Variants in PRR16 observed in about 807,000 individuals in gnomAD.
PRR16 encodes the protein proline rich 16.
PRR16 carries 6 observed loss-of-function variants against 18.2 expected under a neutral mutation model. That is an observed-to-expected ratio of 0.33 (90% CI 0.18 to 0.65). PRR16 has a LOEUF of 0.65. PRR16 is among the 30% of genes least tolerant of loss of function. The pLI is 0.74. For missense variants in PRR16, 412 were observed against 376.6 expected (o/e 1.09, Z -0.78); for synonymous variants, 151 against 147.8 (o/e 1.02, Z -0.16).
chr5:120,538,069 C>T lies in PRR16; in HGVS notation c.159+73424C>T, dbSNP rs1244164049. Among the ~76,000 whole-genome samples, 7 of 152,270 alleles carry T rather than the reference C, an allele frequency of 4.6e-5. No individual in the cohort carries two copies. The South Asian group carries it at 1.5e-3, about 32-fold the overall frequency. On this transcript the variant is annotated intron_variant, in intron 1 of 1. Coordinates refer to ENST00000407149, the MANE Select transcript of PRR16 (RefSeq NM_001300783.2). ...GGGATTACAGGCGTGAGCCACCGCG[C>T]CCGGCCGTTGTTTATAATATAAGCA...
At chr5:120,704,883 A>G in the PRR16 span, among the ~76,000 whole-genome samples, 1 of 152,214 alleles carries the variant, frequency 6.6e-6, no homozygotes, top group Admixed American at 6.5e-5. Flanking sequence ...GTAAGAGACA[A>G]GAATGTACTT....
chr5:120,500,233 T>C (rs959134563), intron 1 of PRR16, among the ~76,000 whole-genome samples: 1 of 152,208 alleles, frequency 6.6e-6, no homozygotes, highest in African/African-American at 2.4e-5. Context: ...CCTTATGATA[T>C]TTCCAGGTTA....
rs751540500 is a variant in PRR16 at position 120,664,807 on chromosome 5, T to TA, written c.160-21146dup. 2.7e-4 allele frequency among the ~76,000 whole-genome samples: 38 copies of TA among 141,990 alleles called. 2 individuals are homozygous for TA. Among genetic ancestry groups the TA allele is most frequent in the Non-Finnish European group, 5.0e-4 (32 of 63,492 alleles). 93.2% of individuals were successfully genotyped at this position (141,990 alleles called of 152,430 possible). On this transcript the variant is annotated intron_variant, in intron 1 of 1. Coordinates refer to ENST00000407149, the MANE Select transcript of PRR16 (RefSeq NM_001300783.2). ...GAACTCATCATTTTTTATGGCTGCATAGTATTCCGTGGTGTATATGTGCCA... is the reference window on the plus strand; with the variant it reads ...GAACTCATCATTTTTTATGGCTGCATAAGTATTCCGTGGTGTATATGTGCCA...
At chr5:120,524,163 C>T (rs1188988921) in intron 1 of PRR16, among the ~76,000 whole-genome samples, 2 of 152,154 alleles carry the variant, frequency 1.3e-5, no homozygotes, top group African/African-American at 2.4e-5. Flanking sequence ...AGGATTTCAA[C>T]ACTGCTAAGC....
chr5:120,482,096 T>A (rs895944476), intron 1 of PRR16, among the ~76,000 whole-genome samples: 2 of 152,196 alleles, frequency 1.3e-5, no homozygotes, highest in Admixed American at 1.3e-4. Flanking sequence ...AATGAGCTTA[T>A]TGCCCACTGG....
chr5:120,696,611 C>T, the PRR16 span, among the ~76,000 whole-genome samples: 1 of 152,142 alleles, frequency 6.6e-6, no homozygotes, highest in African/African-American at 2.4e-5. Context: ...AAATATATTC[C>T]TATTTCTTCC....
intron 1 of PRR16, among the ~76,000 whole-genome samples, chr5:120,668,919 C>T (rs941718006): frequency 5.9e-5 from 9 of 151,864 alleles, no homozygotes; most frequent in South Asian, 4.2e-4. Flanking sequence ...ATGGGAATAA[C>T]GCGTCCGCAT....
the PRR16 span, among the ~76,000 whole-genome samples, chr5:120,767,525 C>G: frequency 7.2e-5 from 11 of 151,914 alleles, no homozygotes; most frequent in African/African-American, 2.6e-4. Flanking sequence ...AGCTGTTCTC[C>G]TTCACTCCAA....
the PRR16 span, chr5:120,789,988 G>A: frequency 1.3e-5 from 2 of 151,984 alleles, no homozygotes; most frequent in East Asian, 3.9e-4. Flanking sequence ...TTTACTTGGG[G>A]GCATGTCAAT....
At chr5:120,537,515 T>A (rs949402632) in intron 1 of PRR16, among the ~76,000 whole-genome samples, 1 of 152,014 alleles carries the variant, frequency 6.6e-6, no homozygotes, top group Non-Finnish European at 1.5e-5. Flanking sequence ...ATAAAAATAT[T>A]TTATTCATTG....
the PRR16 span, among the ~76,000 whole-genome samples, chr5:120,704,970 C>T: frequency 6.6e-6 from 1 of 151,790 alleles, no homozygotes; most frequent in Non-Finnish European, 1.5e-5. Flanking sequence ...AGAAGTAATT[C>T]CTGAGCTAGA....
chr5:120,767,800 G>C, the PRR16 span, among the ~76,000 whole-genome samples: 1 of 151,624 alleles, frequency 6.6e-6, no homozygotes, highest in Non-Finnish European at 1.5e-5. Flanking sequence ...CTGAAACAAG[G>C]TTCTCACTAT....
In PRR16 at chr5:120,522,432, G is replaced by A. The variant is rs529251041; in HGVS notation, c.159+57787G>A. Among the ~76,000 whole-genome samples, 317 of 152,296 alleles carry A rather than the reference G, an allele frequency of 2.1e-3. 2 individuals carry two copies. Among genetic ancestry groups the A allele is most frequent in the Non-Finnish European group, 3.2e-3 (218 of 68,034 alleles). ...TTTCTCTGATGGCCAGTGATGATCA[G>A]CATTTTTTCATGTGTCTGTTGACTG... On this transcript the variant is annotated intron_variant, in intron 1 of 1. Coordinates refer to ENST00000407149, the MANE Select transcript of PRR16 (RefSeq NM_001300783.2).
chr5:120,778,103 C>G, the PRR16 span, among the ~76,000 whole-genome samples: 2 of 151,914 alleles, frequency 1.3e-5, no homozygotes, highest in Admixed American at 6.6e-5. Flanking sequence ...TGCCTAAAAC[C>G]TAAAATTAAT....
Position 120,464,480 on chromosome 5 carries a change from C to A in PRR16, c.-7C>A. On this transcript the variant is annotated 5_prime_UTR_variant, in exon 1 of 2. Coordinates refer to ENST00000407149, the MANE Select transcript of PRR16 (RefSeq NM_001300783.2). ...CTGTCCTGACCTGCCTCGCTTGCCCCCAAAGAATGTCAGCCAAGTCCAAGG... is the reference window on the plus strand; with the variant it reads ...CTGTCCTGACCTGCCTCGCTTGCCCACAAAGAATGTCAGCCAAGTCCAAGG... The A allele has an allele frequency of 6.3e-7, 1 of 1,584,516 alleles. No individual in the cohort carries two copies. Among genetic ancestry groups the A allele is most frequent in the South Asian group, 1.1e-5 (1 of 88,134 alleles).
chr5:120,788,864 TTCATTTAGATCA>T, the PRR16 span, among the ~76,000 whole-genome samples: 1 of 152,126 alleles, frequency 6.6e-6, no homozygotes, highest in Non-Finnish European at 1.5e-5. Context: ...TTTTTGATTG[TTCATTTAGATCA>T]TTTAGTACTA....
chr5:120,528,592 G>A (rs984605967), intron 1 of PRR16, among the ~76,000 whole-genome samples: 15 of 152,130 alleles, frequency 9.9e-5, no homozygotes, highest in African/African-American at 2.9e-4. Flanking sequence ...CAAGTTTCCA[G>A]ATGTGGCTTA....
the PRR16 span, among the ~76,000 whole-genome samples, chr5:120,754,232 AT>A: frequency 4.6e-3 from 89 of 19,324 alleles, no homozygotes; most frequent in Non-Finnish European, 6.4e-3. Context: ...ATATAATATA[AT>A]ATATAATTAG....
intron 1 of PRR16, among the ~76,000 whole-genome samples, chr5:120,495,963 C>G (rs1439320299): frequency 7.2e-5 from 11 of 151,742 alleles, no homozygotes; most frequent in African/African-American, 2.7e-4. Context: ...TTTGTAGATG[C>G]TCTGTGTCAA....
Sources: gnomAD v4.1 joint callset for allele counts (sites outside exome capture counted in the v4.1 genomes callset) on GRCh38, gnomAD v4.1.1 for gene constraint, MANE v1.5 for transcripts, NCBI Gene and HGNC (gene_info 2026-07-23, HGNC 2026-07-21) for gene names.